The following AHCYL2 variants were observed in gnomAD, a reference collection of about 807,000 sequenced individuals.
AHCYL2 encodes the protein adenosylhomocysteinase like 2.
In AHCYL2, 28 loss-of-function variants were observed where a neutral mutation model predicts 81.4. That is an observed-to-expected ratio of 0.34 (90% CI 0.25 to 0.47). The LOEUF is 0.47. Ranked by LOEUF, AHCYL2 falls within the 20% of genes least tolerant of loss-of-function variation. The pLI, the probability that AHCYL2 is intolerant of heterozygous loss-of-function variation, is 1.00. For missense variants in AHCYL2, 551 were observed against 785.1 expected (o/e 0.70, Z 3.56); for synonymous variants, 272 against 290.2 (o/e 0.94, Z 0.64).
chr7:129,376,327 T>C (rs1794687433), intron 1 of AHCYL2, among the ~76,000 whole-genome samples: 1 of 152,208 alleles, frequency 6.6e-6, no homozygotes, highest in Admixed American at 6.5e-5. Flanking sequence ...CAGAGAAAGA[T>C]ACTCGTTTCT....
chr7:129,278,274 C>T (rs751768206), intron 1 of AHCYL2, among the ~76,000 whole-genome samples: 9 of 151,960 alleles, frequency 5.9e-5, no homozygotes, highest in Non-Finnish European at 1.2e-4. Context: ...TGGGGTCTCC[C>T]TGTGTTGCCC....
intron 1 of AHCYL2, among the ~76,000 whole-genome samples, chr7:129,288,969 A>G (rs1475725543): frequency 6.6e-6 from 1 of 151,948 alleles, no homozygotes; most frequent in African/African-American, 2.4e-5. Context: ...TTTTGTAGAG[A>G]TAGAGTTTTA....
rs1797010523 is a variant in AHCYL2, at chr7:129,419,451, G to C, written c.1462-3389G>C. Among the ~76,000 whole-genome samples, 1 of 152,162 alleles carries C rather than the reference G, an allele frequency of 6.6e-6. No individual in the cohort carries two copies. Among genetic ancestry groups the C allele is most frequent in the African/African-American group, 2.4e-5 (1 of 41,438 alleles). ...TGCCTGTAATCCCAGCTACTCAGGA[G>C]GCTGAGGCAGGAGAATCGCCTGAAC... On this transcript the variant is annotated intron_variant, in intron 12 of 16. Coordinates refer to ENST00000325006, the MANE Select transcript of AHCYL2 (RefSeq NM_015328.4). The surrounding 1 kb of genome is among the most constrained non-coding windows in gnomAD (Gnocchi z 4.7).
At chr7:129,304,845 A>G (rs942537382) in intron 1 of AHCYL2, among the ~76,000 whole-genome samples, 2 of 150,878 alleles carry the variant, frequency 1.3e-5, no homozygotes, top group Non-Finnish European at 1.5e-5. Context: ...CAGCCACTCT[A>G]TGTCTTTTGA....
intron 1 of AHCYL2, among the ~76,000 whole-genome samples, chr7:129,373,891 A>G (rs1484373334): frequency 6.6e-6 from 1 of 152,202 alleles, no homozygotes; most frequent in Non-Finnish European, 1.5e-5. Context: ...TATGAGTAAG[A>G]GATCAGAATT....
At chr7:129,366,301 A>G (rs538176333) in intron 1 of AHCYL2, among the ~76,000 whole-genome samples, 1 of 152,238 alleles carries the variant, frequency 6.6e-6, no homozygotes, top group African/African-American at 2.4e-5. Context: ...CTCTCCAGTC[A>G]AACCTCTGGC....
intron 1 of AHCYL2, among the ~76,000 whole-genome samples, chr7:129,263,985 G>C (rs1324565831): frequency 2.0e-5 from 3 of 152,008 alleles, no homozygotes; most frequent in African/African-American, 7.3e-5. Flanking sequence ...CAACATAAGG[G>C]GTAAAACAGG....
intron 13 of AHCYL2, among the ~76,000 whole-genome samples, chr7:129,423,193 T>C (rs1454874290): frequency 2.0e-5 from 3 of 152,208 alleles, no homozygotes; most frequent in African/African-American, 7.2e-5. Flanking sequence ...TAATTATTAC[T>C]ATAGAAGGAA....
chr7:129,360,343 C>T (rs958365032), intron 1 of AHCYL2, among the ~76,000 whole-genome samples: 1 of 152,030 alleles, frequency 6.6e-6, no homozygotes, highest in Admixed American at 6.6e-5. Flanking sequence ...CTCGAACTCC[C>T]GACCTCAGGT....
chr7:129,305,662 G>T (rs1397486605), intron 1 of AHCYL2, among the ~76,000 whole-genome samples: 2 of 152,078 alleles, frequency 1.3e-5, no homozygotes, highest in African/African-American at 4.8e-5. Flanking sequence ...TTGAATCTGT[G>T]TTCTTCTGTG....
intron 1 of AHCYL2, among the ~76,000 whole-genome samples, chr7:129,270,221 C>T (rs1038744104): frequency 5.9e-5 from 9 of 152,284 alleles, no homozygotes; most frequent in Middle Eastern, 3.4e-3. Context: ...CCTAATGTAA[C>T]GTCAGTTGTG....
intron 1 of AHCYL2, among the ~76,000 whole-genome samples, chr7:129,363,683 G>C (rs980747588): frequency 6.6e-6 from 1 of 151,922 alleles, no homozygotes. Context: ...GATTACAGGC[G>C]CCCGCCACCA....
chr7:129,243,557 G>A (rs547135823), intron 1 of AHCYL2, among the ~76,000 whole-genome samples: 221 of 129,234 alleles, frequency 1.7e-3, no homozygotes, highest in African/African-American at 5.4e-3. Context: ...TTTCAGTTAT[G>A]TCTTTTGTTT....
intron 1 of AHCYL2, among the ~76,000 whole-genome samples, chr7:129,260,358 A>G (rs1795581480): frequency 6.6e-6 from 1 of 152,208 alleles, no homozygotes; most frequent in Non-Finnish European, 1.5e-5. Flanking sequence ...TAGGGAATAA[A>G]TATAAAATGT....
chr7:129,273,669 A>G (rs1400082048), intron 1 of AHCYL2, among the ~76,000 whole-genome samples: 2 of 152,164 alleles, frequency 1.3e-5, no homozygotes, highest in Non-Finnish European at 2.9e-5. Flanking sequence ...AAAACCTTTC[A>G]ATTAGATAAA....
At chr7:129,270,814 C>A (rs1400764997) in intron 1 of AHCYL2, among the ~76,000 whole-genome samples, 1 of 152,178 alleles carries the variant, frequency 6.6e-6, no homozygotes, top group Non-Finnish European at 1.5e-5. Context: ...GGAAGTTTGT[C>A]CACTCCGTGT....
intron 1 of AHCYL2, among the ~76,000 whole-genome samples, chr7:129,244,357 A>G (rs1794974108): frequency 6.6e-6 from 1 of 152,128 alleles, no homozygotes; most frequent in Non-Finnish European, 1.5e-5. Flanking sequence ...CCATATGGAC[A>G]ACCAATTGTT....
rs140793999 is a variant in AHCYL2, at chr7:129,275,151, G to C, written c.363+49712G>C. Among the ~76,000 whole-genome samples the C allele has an allele frequency of 2.6e-3, 394 of 152,304 alleles. 1 individual carries two copies. The highest frequency in any genetic ancestry group is 9.2e-3 in the African/African-American group (381 of 41,560). On this transcript the variant is annotated intron_variant, in intron 1 of 16. Coordinates refer to ENST00000325006, the MANE Select transcript of AHCYL2 (RefSeq NM_015328.4). The stretch of plus-strand genomic sequence containing the variant: ...TAATTCCAGAACTTTGGGAGGCTGA[G>C]GCGGGTGGGTCACCTGAGGTCAGGA...
chr7:129,289,200 C>G (rs1421986240), intron 1 of AHCYL2, among the ~76,000 whole-genome samples: 2 of 152,242 alleles, frequency 1.3e-5, no homozygotes, highest in African/African-American at 4.8e-5. Context: ...AGTGATCCTC[C>G]TGCCTCAGCC....
Sources: gnomAD v4.1 joint callset for allele counts (sites outside exome capture counted in the v4.1 genomes callset) on GRCh38, gnomAD v4.1.1 for gene constraint, Gnocchi (gnomAD v3.1) non-coding constraint, MANE v1.5 for transcripts, NCBI Gene and HGNC (gene_info 2026-07-23, HGNC 2026-07-21) for gene names.